XRN1: variants seen among roughly 807,000 people sequenced by gnomAD.
XRN1 encodes 5'-3' exoribonuclease 1, also known as strand-exchange protein 1 homolog.
Under a neutral mutation model 222.3 loss-of-function variants are expected in XRN1, and 67 were observed. That is an observed-to-expected ratio of 0.30 (90% CI 0.25 to 0.37). The LOEUF (loss-of-function observed/expected upper bound fraction) is 0.37. Ranked by LOEUF, XRN1 falls within the 10% of genes least tolerant of loss-of-function variation. XRN1 has a pLI of 1.00. For synonymous variants in XRN1, 643 were observed against 652.4 expected (o/e 0.99, Z 0.22); for missense variants, 1,707 against 2,000.2 (o/e 0.85, Z 2.80).
chr3:142,416,909 G>A (rs1273216813), intron 13 of XRN1, among the ~76,000 whole-genome samples: 1 of 150,786 alleles, frequency 6.6e-6, no homozygotes, highest in African/African-American at 2.4e-5. Context: ...GCGCATGCCT[G>A]TAATCCCAGC....
intron 32 of XRN1, among the ~76,000 whole-genome samples, chr3:142,349,766 T>C (rs1355773161): frequency 6.6e-6 from 1 of 152,192 alleles, no homozygotes. Context: ...TTAATGCATA[T>C]GCGTTATACT....
intron 32 of XRN1, among the ~76,000 whole-genome samples, chr3:142,347,837 A>G (rs1289213397): frequency 6.6e-6 from 1 of 151,832 alleles, no homozygotes; most frequent in African/African-American, 2.4e-5. Flanking sequence ...GCCTTAAGCA[A>G]TTCTCCCACC....
At chr3:142,320,030 T>A (rs545744599) in intron 37 of XRN1, among the ~76,000 whole-genome samples, 1 of 152,326 alleles carries the variant, frequency 6.6e-6, no homozygotes, top group East Asian at 1.9e-4. Flanking sequence ...AGTGCTGTGA[T>A]AAACATACAA....
intron 37 of XRN1, among the ~76,000 whole-genome samples, chr3:142,321,358 C>T (rs1018441825): frequency 6.6e-6 from 1 of 151,992 alleles, no homozygotes; most frequent in Non-Finnish European, 1.5e-5. Flanking sequence ...TGACCTCAAG[C>T]GATCCGCCTG....
intron 29 of XRN1, among the ~76,000 whole-genome samples, chr3:142,360,748 C>T (rs2066598815): frequency 1.3e-5 from 2 of 151,726 alleles, no homozygotes; most frequent in Admixed American, 6.6e-5. Flanking sequence ...GTGGCAGGCG[C>T]CTGTTGTCCC....
chr3:142,377,718 A>G (rs1394432903), intron 23 of XRN1, among the ~76,000 whole-genome samples: 2 of 152,226 alleles, frequency 1.3e-5, no homozygotes, highest in Non-Finnish European at 2.9e-5. Flanking sequence ...TGTTGTGGTA[A>G]AAAAAGAAGT....
intron 16 of XRN1, among the ~76,000 whole-genome samples, chr3:142,404,412 G>A (rs1482983333): frequency 4.0e-5 from 6 of 151,050 alleles, no homozygotes; most frequent in African/African-American, 1.5e-4. Context: ...ATTGCCATCT[G>A]GGTAGATTAT....
intron 1 of XRN1, among the ~76,000 whole-genome samples, chr3:142,446,880 A>G (rs1410402789): frequency 1.3e-5 from 2 of 152,210 alleles, no homozygotes; most frequent in Non-Finnish European, 2.9e-5. Context: ...CCAGAAGTAA[A>G]CTACCTTCAT....
intron 24 of XRN1, 96 bp from the exon 25 acceptor site, chr3:142,376,040 T>C (rs1442650762): frequency 4.9e-6 from 7 of 1,417,496 alleles, no homozygotes; most frequent in Non-Finnish European, 6.4e-6. Flanking sequence ...AAAGTTTTGC[T>C]TTCAATTCTT....
intron 22 of XRN1, among the ~76,000 whole-genome samples, chr3:142,382,357 G>C (rs1167814982): frequency 1.3e-5 from 2 of 152,112 alleles, no homozygotes; most frequent in Non-Finnish European, 2.9e-5. Context: ...TGCTACTACA[G>C]ACAAGAGACC....
intron 18 of XRN1, 54 bp downstream of exon 18, chr3:142,403,620 A>C (rs1577372266): frequency 6.6e-7 from 1 of 1,505,180 alleles, no homozygotes; most frequent in East Asian, 2.3e-5. Context: ...CCCAGCAGCT[A>C]CAGTTTAATA....
At chr3:142,374,997 G>C (rs1027279161) in intron 25 of XRN1, among the ~76,000 whole-genome samples, 3 of 152,176 alleles carry the variant, frequency 2.0e-5, no homozygotes, top group South Asian at 2.1e-4. Context: ...CATAAACACG[G>C]AGGATTGCAG....
chr3:142,419,015 T>C lies in XRN1; in HGVS notation c.1174-134A>G, dbSNP rs914034649. 159 of 787,984 alleles carry C rather than the reference T, an allele frequency of 2.0e-4. No individual in the cohort carries two copies. In the African/African-American group the frequency reaches 2.5e-3, roughly 12 times the overall value. The allele number at this position is 787,984 out of a possible 1,614,324, so 48.8% of individuals were successfully genotyped here. ...ACATCCTTCATATCCTGCCCATCTG[T>C]TTTTCCTCCCTTGTGATCTCAATCC... On this transcript the variant is annotated intron_variant, in intron 10 of 40. Coordinates refer to ENST00000392981, the MANE Select transcript of XRN1 (RefSeq NM_001282857.2).
chr3:142,400,380 TA>T, intron 19 of XRN1, 63 bp downstream of exon 19: 1 of 1,338,316 alleles, frequency 7.5e-7, no homozygotes, highest in Non-Finnish European at 1.0e-6. Context: ...AATGAATCAA[TA>T]AAAGCCATCA....
At chr3:142,432,594 T>G in intron 2 of XRN1, 67 bp downstream of exon 2, 1 of 1,343,200 alleles carries the variant, frequency 7.4e-7, no homozygotes, top group East Asian at 2.5e-5. Flanking sequence ...GTTAAATCAA[T>G]TATCTTTAAA....
Position 142,404,963 on chromosome 3 carries a change from A to G in XRN1, c.1827T>C (p.Phe609=), listed in dbSNP as rs776087125. The change falls in exon 16 of 41, where the codon TTT becomes TTC. Residue 609 remains phenylalanine (F), a synonymous_variant. Coordinates refer to ENST00000392981, the MANE Select transcript of XRN1 (RefSeq NM_001282857.2). ...TTTCTGGCCATGGAGAAGGATAGAT[A>G]AACTCTGTGTCTCTATCATACCAGC... ...LMCWYDRDTE[F]IYPSPWPEKF... 78 of 1,613,918 alleles carry G rather than the reference A, an allele frequency of 4.8e-5. No homozygotes were observed. The highest frequency in any genetic ancestry group is 6.4e-5 in the Non-Finnish European group (76 of 1,179,950).
intron 13 of XRN1, among the ~76,000 whole-genome samples, 189 bp downstream of exon 13, chr3:142,416,951 C>G (rs1052306686): frequency 8.1e-5 from 12 of 147,720 alleles, no homozygotes; most frequent in African/African-American, 3.0e-4. Context: ...ATTGCTTGAA[C>G]CCAGGAGGCG....
intron 20 of XRN1, among the ~76,000 whole-genome samples, chr3:142,395,753 G>C (rs541398628): frequency 6.6e-6 from 1 of 152,286 alleles, no homozygotes; most frequent in South Asian, 2.1e-4. Flanking sequence ...TGGTTTACAT[G>C]ATATAACCCT....
At chr3:142,350,072 T>A (rs555761556) in intron 32 of XRN1, among the ~76,000 whole-genome samples, 1 of 152,310 alleles carries the variant, frequency 6.6e-6, no homozygotes, top group East Asian at 1.9e-4. Context: ...AACAGACTAT[T>A]ATGTCCAAAT....
Sources: gnomAD v4.1 joint callset for allele counts (sites outside exome capture counted in the v4.1 genomes callset) on GRCh38, gnomAD v4.1.1 for gene constraint, MANE v1.5 for transcripts, NCBI Gene and HGNC (gene_info 2026-07-23, HGNC 2026-07-21) for gene names.